Variants in LRRC57 observed in about 807,000 individuals in gnomAD.
LRRC57 encodes leucine rich repeat containing 57, also known as leucine-rich repeat-containing protein 57.
Under a neutral mutation model 23.1 loss-of-function variants are expected in LRRC57, and 14 were observed. That is an observed-to-expected ratio of 0.61 (90% CI 0.40 to 0.95). LRRC57 has a LOEUF of 0.95. Among genes scored for constraint, LRRC57 ranks in the 40% least tolerant of loss-of-function variants. LRRC57 has a pLI of 0.00. For missense variants in LRRC57, 236 were observed against 284.4 expected, an observed-to-expected ratio of 0.83 and a Z score of 1.22; for synonymous variants, 106 against 115.2, an observed-to-expected ratio of 0.92 and a Z score of 0.51.
At chr15:42,547,791 G>A in intron 3 of LRRC57, 1 of 543,524 alleles carries the variant, frequency 1.8e-6, no homozygotes, top group Non-Finnish European at 3.2e-6. Flanking sequence ...GCAATTTTGT[G>A]ATATTTGGAA....
At chr15:42,547,183 A>C in intron 4 of LRRC57, 78 bp downstream of exon 4, 1 of 1,475,820 alleles carries the variant, frequency 6.8e-7, no homozygotes, top group African/African-American at 1.4e-5. Context: ...GCAGTTTAGG[A>C]AACAAGAGGT....
the LRRC57 span, chr15:42,529,854 A>C: frequency 1.2e-6 from 2 of 1,605,560 alleles, no homozygotes; most frequent in Non-Finnish European, 1.7e-6. Flanking sequence ...AAAATGAGAC[A>C]CCCAGTTCAG....
chr15:42,529,330 G>C, the LRRC57 span, among the ~76,000 whole-genome samples: 1 of 152,136 alleles, frequency 6.6e-6, no homozygotes, highest in African/African-American at 2.4e-5. Context: ...TTAAACCGTA[G>C]GTTTCTGGGA....
At position 42,545,202 on chromosome 15, in the gene LRRC57, C is replaced by T. The variant is rs1274839748; in HGVS notation, c.553G>A (p.Glu185Lys). The T allele has an allele frequency of 6.2e-7, 1 of 1,609,200 alleles. No individual in the cohort carries two copies. The highest frequency in any genetic ancestry group is 8.5e-7 in the Non-Finnish European group (1 of 1,178,156). ...CPRLKILRLE[E>K]NCLELSMLPQ... ...AGCATGCTGAGCTCAAGACAATTCT[C>T]TTCCAGGCGAAGAATTTTAAGGCGT... The change falls in exon 5 of 6, where the codon GAG (glutamate) becomes AAG (lysine). Residue 185 changes from glutamate (E) to lysine (K), a missense_variant. By Grantham distance (56) the Glu-to-Lys change is moderately conservative. Transcript: ENST00000397130.
At chr15:42,531,334 C>T in the LRRC57 span, 1 of 886,228 alleles carries the variant, frequency 1.1e-6, no homozygotes, top group African/African-American at 1.7e-5. Context: ...CTTGGTGTGT[C>T]AGTTACTCCA....
the LRRC57 span, chr15:42,531,493 T>G: frequency 6.3e-7 from 1 of 1,585,784 alleles, no homozygotes; most frequent in Non-Finnish European, 8.6e-7. Flanking sequence ...ACTGCTGTTC[T>G]TCTTTATCAT....
chr15:42,532,395 A>C, the LRRC57 span: 2 of 152,212 alleles, frequency 1.3e-5, no homozygotes, highest in Admixed American at 1.3e-4. Flanking sequence ...GAGTTTTCTT[A>C]AAGTGAGCTT....
downstream of LRRC57, among the ~76,000 whole-genome samples, chr15:42,534,150 A>T (rs1438077272): frequency 1.3e-5 from 2 of 152,082 alleles, no homozygotes; most frequent in African/African-American, 4.8e-5. Context: ...TGTTTTTTTG[A>T]GAAGGAGTCT....
intron 2 of LRRC57, 23 bp from the exon 3 acceptor site, chr15:42,548,267 T>C (rs1277301179): frequency 2.5e-6 from 4 of 1,614,174 alleles, no homozygotes; most frequent in South Asian, 1.1e-5. Flanking sequence ...GTTCACAGCG[T>C]GGGGAATCCC....
chr15:42,529,118 A>G, the LRRC57 span, among the ~76,000 whole-genome samples: 1 of 152,328 alleles, frequency 6.6e-6, no homozygotes, highest in Middle Eastern at 3.4e-3. Flanking sequence ...GTCCCTTGCA[A>G]TTACTCAACT....
In LRRC57 at chr15:42,547,387, T is replaced by C. The variant is rs1435377296; in HGVS notation, c.366A>G (p.Ala122=). The change falls in exon 4 of 6, where the codon GCA becomes GCG. Residue 122 remains alanine (A), a synonymous_variant. Coordinates refer to ENST00000397130, the MANE Select transcript of LRRC57 (RefSeq NM_153260.3). ...GTAGGCTACAAAGTTGGGGAGGTAA[T>C]GCTCCCAGTTGGTTCCCAGAGAGGC... ...TLSLSGNQLG[A]LPPQLCSLRH... The C allele has an allele frequency of 1.2e-6, 2 of 1,614,070 alleles. No homozygotes were observed. Among genetic ancestry groups the C allele is most frequent in the Non-Finnish European group, 8.5e-7 (1 of 1,180,036 alleles).
chr15:42,535,857 T>C (rs1249460978), downstream of LRRC57, among the ~76,000 whole-genome samples: 1 of 152,180 alleles, frequency 6.6e-6, no homozygotes, highest in Non-Finnish European at 1.5e-5. Flanking sequence ...AGAACACACA[T>C]TTCTCAATTA....
rs368849694 is a variant in LRRC57 at position 42,542,058 on chromosome 15, C to CT, written c.*2024dup. ...ACAGGCGTGAGCCACCGCGCCCGGC[C>CT]TTTTTTTTTTTTTTTGAGACGCAGT... On this transcript the variant is annotated 3_prime_UTR_variant, in exon 6 of 6. Transcript: ENST00000397130. 1,013 of 124,604 alleles carry CT rather than the reference C, an allele frequency of 8.1e-3. 11 individuals carry two copies. The highest frequency in any genetic ancestry group is 0.025 in the African/African-American group (845 of 33,470). The allele number at this position is 124,604 out of a possible 1,614,324, so 7.7% of individuals were successfully genotyped here.
chr15:42,534,233 C>A (rs550160770), downstream of LRRC57, among the ~76,000 whole-genome samples: 4 of 152,174 alleles, frequency 2.6e-5, no homozygotes, highest in Non-Finnish European at 5.9e-5. Flanking sequence ...CGGGTTCAAG[C>A]GATTCTCCTG....
Position 42,543,391 on chromosome 15 carries a change from G to A in LRRC57, c.*692C>T. The stretch of plus-strand genomic sequence containing the variant: ...ATTTTTGTATTTTTAGTAGAGACAG[G>A]GTTTCCTCATGTTGGCCACGCTAGT... On this transcript the variant is annotated 3_prime_UTR_variant, in exon 6 of 6. Coordinates refer to ENST00000397130, the MANE Select transcript of LRRC57 (RefSeq NM_153260.3). 6.6e-6 allele frequency: 1 copy of A among 151,712 alleles called. No individual in the cohort carries two copies. The highest frequency in any genetic ancestry group is 2.1e-4 in the South Asian group (1 of 4,802). The allele number at this position is 151,712 out of a possible 1,614,324, so 9.4% of individuals were successfully genotyped here. A position where few individuals can be genotyped will look rare whatever the true frequency, so the allele number is the denominator to read the frequency against.
At chr15:42,533,509 G>A (rs542402085), downstream of LRRC57, among the ~76,000 whole-genome samples, 2 of 152,304 alleles carry the variant, frequency 1.3e-5, no homozygotes, top group South Asian at 2.1e-4. Flanking sequence ...AAAGTAAGGT[G>A]TAAAACGGAG....
chr15:42,534,285 C>T (rs1010661588), downstream of LRRC57, among the ~76,000 whole-genome samples: 5 of 152,270 alleles, frequency 3.3e-5, no homozygotes, highest in East Asian at 1.9e-4. Flanking sequence ...CAGGCACCAC[C>T]GTGCCCAGCT....
rs2141574987 is a variant in LRRC57 at position 42,541,071 on chromosome 15, T to A, written c.*3012A>T. 1 of 151,688 alleles carries A rather than the reference T, an allele frequency of 6.6e-6. No individual in the cohort carries two copies. Among genetic ancestry groups the A allele is most frequent in the Non-Finnish European group, 1.5e-5 (1 of 67,916 alleles). The allele number at this position is 151,688 out of a possible 1,614,324, so 9.4% of individuals were successfully genotyped here. ...AATGTATAAGTTCTGATTTATTAGA[T>A]GAGAAGTACTGATAAAACACAGAAA... On this transcript the variant is annotated 3_prime_UTR_variant, in exon 6 of 6. Transcript: ENST00000397130.
chr15:42,528,550 T>C, the LRRC57 span: 1 of 928,362 alleles, frequency 1.1e-6, no homozygotes, highest in African/African-American at 1.7e-5. Context: ...AAAATGCATT[T>C]AAAAATCTGC....
Sources: allele counts gnomAD v4.1 joint callset (sites outside exome capture counted in the v4.1 genomes callset), GRCh38; gene constraint gnomAD v4.1.1; transcripts MANE v1.5; gene names NCBI Gene and HGNC (gene_info 2026-07-23, HGNC 2026-07-21).